DTWD2: variants seen among roughly 807,000 people sequenced by gnomAD.
The protein encoded by DTWD2 is DTW motif tRNA-uridine aminocarboxypropyltransferase 2.
A neutral mutation model predicts 31.8 loss-of-function variants in DTWD2; 39 were observed. The ratio of observed to expected loss-of-function variants is 1.22; its 90% CI spans 0.95 to 1.60. DTWD2 has a LOEUF of 1.60. DTWD2 is among the 40% of genes most tolerant of loss of function. The pLI, the probability that DTWD2 is intolerant of heterozygous loss-of-function variation, is 0.00. For missense variants in DTWD2, 515 were observed against 381.5 expected (o/e 1.35, Z -2.92); for synonymous variants, 180 against 142.8 (o/e 1.26, Z -1.86).
chr5:118,888,866 C>T (rs935622125), intron 4 of DTWD2, among the ~76,000 whole-genome samples: 5 of 152,104 alleles, frequency 3.3e-5, no homozygotes, highest in African/African-American at 1.2e-4. Flanking sequence ...TTACTAATAT[C>T]TTTTCGTGTG....
intron 4 of DTWD2, among the ~76,000 whole-genome samples, chr5:118,909,219 G>A (rs1325579294): frequency 1.3e-5 from 2 of 152,200 alleles, no homozygotes. Flanking sequence ...CAACCACATG[G>A]CAGGTTGTGG....
intron 1 of DTWD2, among the ~76,000 whole-genome samples, chr5:118,946,394 A>C (rs1243131535): frequency 2.6e-5 from 4 of 152,202 alleles, no homozygotes; most frequent in Non-Finnish European, 4.4e-5. Flanking sequence ...GTGCAATGAC[A>C]AACAGATCGA....
At chr5:118,855,603 T>C (rs185801918) in intron 4 of DTWD2, among the ~76,000 whole-genome samples, 31 of 152,226 alleles carry the variant, frequency 2.0e-4, no homozygotes, top group African/African-American at 6.3e-4. Flanking sequence ...GGAGTAAATA[T>C]TGGGCCTAGT....
At position 118,853,043 on chromosome 5, in the gene DTWD2, G is replaced by A. The variant is rs548055319; in HGVS notation, c.598-4825C>T. Among the ~76,000 whole-genome samples, 71 of 152,250 alleles carry A rather than the reference G, an allele frequency of 4.7e-4. 1 individual carries two copies. In the South Asian group the frequency reaches 0.015, roughly 31 times the overall value. On this transcript the variant is annotated intron_variant, in intron 4 of 5. Transcript: ENST00000510708. ...ACATGGGCATAAAGACAGGAACACA[G>A]ACACTGGAGACTACTAGAGAGAGGA...
At chr5:118,911,442 A>G (rs1753456130) in intron 4 of DTWD2, among the ~76,000 whole-genome samples, 1 of 152,214 alleles carries the variant, frequency 6.6e-6, no homozygotes, top group African/African-American at 2.4e-5. Flanking sequence ...GGAAAACAGT[A>G]AGGAAGTTCC....
chr5:118,965,700 G>C (rs954395459), intron 1 of DTWD2, among the ~76,000 whole-genome samples: 2 of 152,134 alleles, frequency 1.3e-5, no homozygotes, highest in African/African-American at 4.8e-5. Context: ...ATTAAGGGCG[G>C]TGCAAGATGT....
chr5:118,929,486 T>TC, intron 3 of DTWD2, among the ~76,000 whole-genome samples: 1 of 142,360 alleles, frequency 7.0e-6, no homozygotes, highest in East Asian at 2.0e-4. Flanking sequence ...GTACGTCACT[T>TC]CCCTTTTTTT....
Position 118,928,541 on chromosome 5 carries a change from T to A in DTWD2, c.593A>T (p.Lys198Ile). ...FYKNSLFRHP[K>I]QVQLKTSISS... is the part of the protein sequence containing the mutation. ...CTGTTAAAATTACTAGTTTACCTGTTTGGGATGTCGGAACAAGGAGTTCTT... is the reference window on the plus strand; with the variant it reads ...CTGTTAAAATTACTAGTTTACCTGTATGGGATGTCGGAACAAGGAGTTCTT... The change falls in exon 4 of 6, where the codon AAA (lysine) becomes ATA (isoleucine). Residue 198 changes from lysine (K) to isoleucine (I), a missense_variant. Transcript: ENST00000510708. The A allele has an allele frequency of 6.6e-7, 1 of 1,503,914 alleles. No homozygotes were observed. The highest frequency in any genetic ancestry group is 8.9e-7 in the Non-Finnish European group (1 of 1,129,074). 93.2% of individuals were successfully genotyped at this position (1,503,914 alleles called of 1,614,324 possible).
intron 4 of DTWD2, among the ~76,000 whole-genome samples, chr5:118,903,023 T>C (rs898520356): frequency 6.6e-6 from 1 of 152,052 alleles, no homozygotes; most frequent in Non-Finnish European, 1.5e-5. Flanking sequence ...AATAAATTTC[T>C]ATGTTTTCAA....
intron 4 of DTWD2, among the ~76,000 whole-genome samples, chr5:118,921,460 C>T (rs1753701885): frequency 6.7e-6 from 1 of 149,518 alleles, no homozygotes; most frequent in South Asian, 2.1e-4. Flanking sequence ...TTGGAAGCTG[C>T]AGTGAGCTAT....
chr5:118,889,060 TG>T (rs1470157561), intron 4 of DTWD2, among the ~76,000 whole-genome samples: 1 of 152,240 alleles, frequency 6.6e-6, no homozygotes, highest in African/African-American at 2.4e-5. Flanking sequence ...ATTCTCTTAA[TG>T]TATGACCTTT....
intron 4 of DTWD2, among the ~76,000 whole-genome samples, chr5:118,905,434 T>C (rs1050152322): frequency 1.1e-4 from 16 of 152,162 alleles, no homozygotes; most frequent in African/African-American, 3.4e-4. Flanking sequence ...TGATAAGATA[T>C]AGAACTGAAA....
chr5:118,934,168 C>T (rs933923551), intron 3 of DTWD2, among the ~76,000 whole-genome samples: 34 of 147,762 alleles, frequency 2.3e-4, no homozygotes, highest in Non-Finnish European at 7.4e-5. Flanking sequence ...GGCACAGTGG[C>T]TCACATCTGT....
At chr5:118,894,219 C>A (rs935495039) in intron 4 of DTWD2, among the ~76,000 whole-genome samples, 4 of 152,076 alleles carry the variant, frequency 2.6e-5, no homozygotes, top group Non-Finnish European at 5.9e-5. Context: ...AGAAGAGCGA[C>A]CCTTCTAAAA....
chr5:118,842,057 C>A (rs4895353), intron 5 of DTWD2, among the ~76,000 whole-genome samples: 53,046 of 151,976 alleles, frequency 0.35, 11,515 homozygotes, highest in African/African-American at 0.62. Context: ...AAATATCATT[C>A]CTAACTATAA....
chr5:118,910,007 T>C (rs908534753), intron 4 of DTWD2, among the ~76,000 whole-genome samples: 1 of 152,172 alleles, frequency 6.6e-6, no homozygotes, highest in Non-Finnish European at 1.5e-5. Context: ...AGGGTTATTC[T>C]TTCCTTGTCT....
chr5:118,952,498 G>T (rs565658354), intron 1 of DTWD2, among the ~76,000 whole-genome samples: 1 of 152,114 alleles, frequency 6.6e-6, no homozygotes, highest in Non-Finnish European at 1.5e-5. Flanking sequence ...GGTGCTCAGT[G>T]GGGGAGCGTC....
chr5:118,958,484 C>T (rs927631626), intron 1 of DTWD2, among the ~76,000 whole-genome samples: 4 of 147,430 alleles, frequency 2.7e-5, no homozygotes, highest in Non-Finnish European at 1.5e-5. Flanking sequence ...ACAACAACAA[C>T]AACAAAAGAC....
intron 4 of DTWD2, among the ~76,000 whole-genome samples, chr5:118,875,470 G>A (rs971681125): frequency 2.7e-5 from 4 of 145,706 alleles, no homozygotes; most frequent in African/African-American, 7.6e-5. Flanking sequence ...CTCACATGCA[G>A]TGATATACAT....
Sources: gnomAD v4.1 joint callset for allele counts (sites outside exome capture counted in the v4.1 genomes callset) on GRCh38, gnomAD v4.1.1 for gene constraint, MANE v1.5 for transcripts, NCBI Gene and HGNC (gene_info 2026-07-23, HGNC 2026-07-21) for gene names.